OSBPL7: variants seen among roughly 807,000 people sequenced by gnomAD.
OSBPL7 encodes the protein oxysterol-binding protein-related protein 7.
OSBPL7 carries 66 observed loss-of-function variants against 115.8 expected under a neutral mutation model. The ratio of observed to expected loss-of-function variants is 0.57; its 90% CI spans 0.47 to 0.70. OSBPL7 has a LOEUF of 0.70. OSBPL7 is among the 30% of genes least tolerant of loss of function. The pLI, the probability that OSBPL7 is intolerant of heterozygous loss-of-function variation, is 0.00. For synonymous variants in OSBPL7, 441 were observed against 439.2 expected (o/e 1.00, Z -0.05); for missense variants, 902 against 1,125.5 (o/e 0.80, Z 2.84).
In OSBPL7 at chr17:47,816,515, C is replaced by T. The variant is rs1469153795; in HGVS notation, c.929-33G>A. 6.4e-6 allele frequency: 10 copies of T among 1,567,348 alleles called. No individual in the cohort carries two copies. The highest frequency in any genetic ancestry group is 6.9e-6 in the Non-Finnish European group (8 of 1,156,106). On this transcript the variant is annotated intron_variant, in intron 10 of 22. Coordinates refer to ENST00000007414, the MANE Select transcript of OSBPL7 (RefSeq NM_145798.3). The surrounding 1 kb of genome is among the most constrained non-coding windows in gnomAD (Gnocchi z 5.8). ...GAGTGGGGCAGACCATCAGAGTCCT[C>T]GCTCGCTCCTGTCCGCTCCCCACCA... is the stretch of plus-strand genomic sequence containing the variant.
In OSBPL7 at chr17:47,809,010, T is replaced by A; in HGVS notation, c.2171-20A>T. On this transcript the variant is annotated intron_variant, in intron 20 of 22. Coordinates refer to ENST00000007414, the MANE Select transcript of OSBPL7 (RefSeq NM_145798.3). ...TTGAGTCTGGGGGAAGGCAAGGGGC[T>A]GGGGCAGGTGCACCATGCCTGAGCT... 1 of 1,613,568 alleles carries A rather than the reference T, an allele frequency of 6.2e-7. No individual in the cohort carries two copies. Among genetic ancestry groups the A allele is most frequent in the Non-Finnish European group, 8.5e-7 (1 of 1,179,766 alleles).
In OSBPL7 at chr17:47,816,610, G is replaced by C. The variant is rs2033226230; in HGVS notation, c.881C>G (p.Thr294Arg). ...GCTGCGCTGCAGGTGGGCATAGTCT[G>C]TGGGTGGCAGCCCACGGGTGCCCGA... ...DSSGTRGLPP[T>R]DYAHLQRSFW... Residue 294 changes from threonine (T) to arginine (R), a missense_variant, in exon 10 of 23, where the codon ACA becomes AGA. By Grantham distance (71) the Thr-to-Arg change is moderately conservative (BLOSUM62 -1). This residue lies in a region of OSBPL7 where 667 missense variants were observed against 788.7 expected (regional missense o/e 0.85). Transcript: ENST00000007414. This position sits in a 1 kb window ranked among gnomAD's most constrained non-coding sequence, Gnocchi z 5.8. 1 of 1,613,792 alleles carries C rather than the reference G, an allele frequency of 6.2e-7. No homozygotes were observed. Among genetic ancestry groups the C allele is most frequent in the African/African-American group, 1.3e-5 (1 of 75,048 alleles).
Position 47,816,300 on chromosome 17 carries a change from G to A in OSBPL7, c.1023+88C>T. 6.7e-7 allele frequency: 1 copy of A among 1,488,278 alleles called. No individual in the cohort carries two copies. The highest frequency in any genetic ancestry group is 9.0e-7 in the Non-Finnish European group (1 of 1,107,812). 92.2% of individuals were successfully genotyped at this position (1,488,278 alleles called of 1,614,324 possible). A position where few individuals can be genotyped will look rare whatever the true frequency, so the allele number is the denominator to read the frequency against. The stretch of plus-strand genomic sequence containing the variant: ...ACTGCCTCTGCCAACCCCCCACCCT[G>A]ACCCAGATCTGCTATCGGACCCCAG... On this transcript the variant is annotated intron_variant, in intron 11 of 22. Transcript: ENST00000007414. This position sits in a 1 kb window ranked among gnomAD's most constrained non-coding sequence, Gnocchi z 5.8.
chr17:47,812,558 C>T (rs1048236272), intron 16 of OSBPL7, among the ~76,000 whole-genome samples: 13 of 152,212 alleles, frequency 8.5e-5, no homozygotes, highest in Non-Finnish European at 1.2e-4. Flanking sequence ...CAGACCAGGC[C>T]GCCCAGACTT....
Position 47,813,665 on chromosome 17 carries a change from C to T in OSBPL7, c.1521G>A (p.Leu507=). ...PVQLNEPLNT[L]QRLCEELEYS... is the part of the protein sequence containing the mutation. ...ACTCCAGCTCCTCGCAGAGCCGCTG[C>T]AGAGTGTTGAGCGGCTCGTTGAGCT... The change falls in exon 15 of 23, where the codon CTG becomes CTA. Residue 507 remains leucine (L), a synonymous_variant. Coordinates refer to ENST00000007414, the MANE Select transcript of OSBPL7 (RefSeq NM_145798.3). 1 of 1,613,366 alleles carries T rather than the reference C, an allele frequency of 6.2e-7. No individual in the cohort carries two copies.
At chr17:47,811,768 C>T (rs993464704) in intron 16 of OSBPL7, among the ~76,000 whole-genome samples, 1 of 152,224 alleles carries the variant, frequency 6.6e-6, no homozygotes, top group Non-Finnish European at 1.5e-5. Context: ...CACTCCTCCT[C>T]CTTCTGCACC....
chr17:47,810,029 C>T (rs529873445), intron 18 of OSBPL7, among the ~76,000 whole-genome samples: 1 of 151,932 alleles, frequency 6.6e-6, no homozygotes. Flanking sequence ...AGCAATTCTC[C>T]TGCCTCAGCC....
At chr17:47,819,190 CA>C (rs2033322389) in intron 4 of OSBPL7, 91 bp from the exon 5 acceptor site, 1 of 1,068,224 alleles carries the variant, frequency 9.4e-7, no homozygotes, top group Admixed American at 1.9e-5. Context: ...ATTCTAGGCT[CA>C]AGGGCCAGGT....
Position 47,808,605 on chromosome 17 carries a change from G to A in OSBPL7, c.2353C>T (p.Gln785Ter). The A allele has an allele frequency of 6.2e-7, 1 of 1,614,216 alleles. No individual in the cohort carries two copies. Residue 785 changes from glutamine (Q) to a stop codon, truncating the protein, a stop_gained, in exon 22 of 23, where the codon CAG (glutamine) becomes TAG (stop). Transcript: ENST00000007414. LOFTEE classifies it high-confidence loss of function. The surrounding 1 kb of genome is among the most constrained non-coding windows in gnomAD (Gnocchi z 6.1). ...AAEAQKRRIE[Q>*]LQRDRRKVME... Reference sequence around the variant, plus strand: ...ACTTTGCGCCTGTCTCGCTGCAGCTGCTCGATCCTTCTCTTCTGGGCCTCA... The same window carrying A: ...ACTTTGCGCCTGTCTCGCTGCAGCTACTCGATCCTTCTCTTCTGGGCCTCA...
intron 13 of OSBPL7, 121 bp downstream of exon 13, chr17:47,815,094 C>G: frequency 6.0e-6 from 8 of 1,327,206 alleles, no homozygotes; most frequent in Non-Finnish European, 8.2e-6. Flanking sequence ...GACATAGTCC[C>G]AGAGATAGCA....
intron 12 of OSBPL7, chr17:47,815,554 G>C: frequency 1.6e-6 from 1 of 622,612 alleles, no homozygotes; most frequent in Non-Finnish European, 2.8e-6. Flanking sequence ...CTGGGAGTGA[G>C]GGGACGCAGG....
chr17:47,818,640 AG>A (rs1223003976), intron 5 of OSBPL7, 24 bp from the exon 6 acceptor site: 1 of 1,587,548 alleles, frequency 6.3e-7, no homozygotes, highest in Non-Finnish European at 8.6e-7. Flanking sequence ...GGAGAGGGGG[AG>A]GGCTATCTGA....
At chr17:47,821,228 G>A (rs533402022) in intron 1 of OSBPL7, among the ~76,000 whole-genome samples, 15 of 152,180 alleles carry the variant, frequency 9.9e-5, no homozygotes, top group Non-Finnish European at 2.2e-4. Flanking sequence ...GTGTGAGACG[G>A]GGGAGGGGAC....
intron 15 of OSBPL7, 82 bp downstream of exon 15, chr17:47,813,505 C>T: frequency 6.3e-7 from 1 of 1,589,854 alleles, no homozygotes. Context: ...TAAGGAACAG[C>T]CCAGCCAGGA....
Position 47,808,019 on chromosome 17 carries a change from A to G in OSBPL7, c.*272T>C. The G allele has an allele frequency of 6.2e-6, 3 of 481,024 alleles. No homozygotes were observed. In the South Asian group the frequency reaches 7.4e-5, roughly 12 times the overall value. The allele number at this position is 481,024 out of a possible 1,614,324, so 29.8% of individuals were successfully genotyped here. Reference sequence around the variant, plus strand: ...CCCAAGTACCCCAAAGGGGACAGGAATCGGAATGGTGAAGCGGGAAGGGTC... The same window carrying G: ...CCCAAGTACCCCAAAGGGGACAGGAGTCGGAATGGTGAAGCGGGAAGGGTC... On this transcript the variant is annotated 3_prime_UTR_variant, in exon 23 of 23. Transcript: ENST00000007414. This position sits in a 1 kb window ranked among gnomAD's most constrained non-coding sequence, Gnocchi z 6.1.
At chr17:47,812,216 C>T (rs994811435) in intron 16 of OSBPL7, among the ~76,000 whole-genome samples, 44 of 152,346 alleles carry the variant, frequency 2.9e-4, no homozygotes, top group African/African-American at 9.9e-4. Context: ...CATCCTGTCT[C>T]GGGAACCTTC....
chr17:47,808,596 G>A lies in OSBPL7; in HGVS notation c.2362C>T (p.Arg788Ter), dbSNP rs770983052. 13 of 1,614,070 alleles carry A rather than the reference G, an allele frequency of 8.1e-6. No homozygotes were observed. Among genetic ancestry groups the A allele is most frequent in the South Asian group, 2.2e-5 (2 of 91,088 alleles). Residue 788 changes from arginine (R) to a stop codon, truncating the protein, a stop_gained, in exon 22 of 23, where the codon CGA becomes TGA. Coordinates refer to ENST00000007414, the MANE Select transcript of OSBPL7 (RefSeq NM_145798.3). LOFTEE classifies it high-confidence loss of function. This position sits in a 1 kb window ranked among gnomAD's most constrained non-coding sequence, Gnocchi z 6.1. The part of the protein sequence containing the change: ...AQKRRIEQLQ[R>*]DRRKVMEENN... Reference sequence around the variant, plus strand: ...TCCTCCATGACTTTGCGCCTGTCTCGCTGCAGCTGCTCGATCCTTCTCTTC... The same window carrying A: ...TCCTCCATGACTTTGCGCCTGTCTCACTGCAGCTGCTCGATCCTTCTCTTC...
chr17:47,817,879 G>A (rs754794618), intron 7 of OSBPL7, among the ~76,000 whole-genome samples: 1 of 152,148 alleles, frequency 6.6e-6, no homozygotes, highest in Non-Finnish European at 1.5e-5. Flanking sequence ...GCAGACTGGG[G>A]ATGTGCTCAC....
intron 14 of OSBPL7, 38 bp downstream of exon 14, chr17:47,814,483 G>GCCAAC: frequency 9.6e-6 from 4 of 418,562 alleles, no homozygotes; most frequent in Non-Finnish European, 1.4e-5. Flanking sequence ...TTTTCCACCC[G>GCCAAC]CCTCCCACCC....
Sources: gnomAD v4.1 joint callset for allele counts (sites outside exome capture counted in the v4.1 genomes callset) on GRCh38, gnomAD v4.1.1 for gene constraint, gnomAD v4.1.1 regional missense constraint, Gnocchi (gnomAD v3.1) non-coding constraint, MANE v1.5 for transcripts, NCBI Gene and HGNC (gene_info 2026-07-23, HGNC 2026-07-21) for gene names.